PCCB: variants seen among roughly 807,000 people sequenced by gnomAD.
PCCB encodes propionyl-CoA carboxylase subunit beta.
PCCB carries 43 observed loss-of-function variants against 60.7 expected under a neutral mutation model. That is an observed-to-expected ratio of 0.71 (90% CI 0.55 to 0.91). The LOEUF (loss-of-function observed/expected upper bound fraction) is 0.91, where lower values mean the gene tolerates loss of function less well. PCCB is among the 40% of genes least tolerant of loss of function. PCCB has a pLI of 0.00. For missense variants in PCCB, 766 were observed against 702.8 expected (o/e 1.09, Z -1.02); for synonymous variants, 276 against 255.9 (o/e 1.08, Z -0.75).
chr3:136,251,715 A>G (rs1002367251), intron 1 of PCCB, among the ~76,000 whole-genome samples: 2 of 151,762 alleles, frequency 1.3e-5, no homozygotes, highest in Non-Finnish European at 1.5e-5. Context: ...GCTCCTGTAC[A>G]CTCTTTCTGT....
chr3:136,308,145 T>C (rs886566125), intron 9 of PCCB, among the ~76,000 whole-genome samples: 2 of 151,746 alleles, frequency 1.3e-5, no homozygotes, highest in Non-Finnish European at 2.9e-5. Flanking sequence ...GGCAGAAATA[T>C]ACTGGGAGAA....
In PCCB at chr3:136,327,658, A is replaced by G; in HGVS notation, c.1324A>G (p.Met442Val). Residue 442 changes from methionine to valine, a missense_variant, in exon 13 of 15, where the codon ATG becomes GTG. Physicochemically the swap from Met to Val is conservative, Grantham distance 21. Coordinates refer to ENST00000251654, the MANE Select transcript of PCCB (RefSeq NM_000532.5). ...GGCCTATGGAGGTGCCTATGATGTC[A>G]TGAGCTCTAAGCACCTTTGTGGTGA... is the stretch of plus-strand genomic sequence containing the variant. ...RKAYGGAYDV[M>V]SSKHLCGDTN... 1.9e-6 allele frequency: 3 copies of G among 1,613,892 alleles called. No homozygotes were observed. Among genetic ancestry groups the G allele is most frequent in the Non-Finnish European group, 2.5e-6 (3 of 1,179,802 alleles).
At chr3:136,297,781 C>T (rs1934001369) in intron 7 of PCCB, among the ~76,000 whole-genome samples, 171 bp from the exon 8 acceptor site, 1 of 152,128 alleles carries the variant, frequency 6.6e-6, no homozygotes, top group African/African-American at 2.4e-5. Context: ...GAAGGATCAC[C>T]CGGAAGGTAT....
intron 9 of PCCB, among the ~76,000 whole-genome samples, chr3:136,304,313 T>C (rs1934383138): frequency 8.3e-6 from 1 of 119,904 alleles, no homozygotes; most frequent in Admixed American, 1.0e-4. Flanking sequence ...TGCCACCACA[T>C]CTGGCTAATT....
In PCCB at chr3:136,327,822, G is replaced by T. The variant is rs544673781; in HGVS notation, c.1398+90G>T. 5.7e-6 allele frequency: 6 copies of T among 1,055,804 alleles called. No homozygotes were observed. In the East Asian group the frequency reaches 7.2e-5, roughly 13 times the overall value. The allele number at this position is 1,055,804 out of a possible 1,614,324, so 65.4% of individuals were successfully genotyped here. ...GCATAGCTGGGAAATGTTGGAGAGA[G>T]GCCAGGGCCCCTAGGTTGAGCCAGG... On this transcript the variant is annotated intron_variant, in intron 13 of 14. Transcript: ENST00000251654.
intron 1 of PCCB, among the ~76,000 whole-genome samples, chr3:136,251,862 C>A (rs67692166): frequency 0.074 from 11,332 of 152,146 alleles, 448 homozygotes; most frequent in Non-Finnish European, 0.093. Flanking sequence ...TAATATGAAC[C>A]CCCTCCTGCA....
intron 5 of PCCB, among the ~76,000 whole-genome samples, chr3:136,268,465 GTT>G (rs535168208): frequency 6.8e-5 from 9 of 133,200 alleles, no homozygotes; most frequent in Middle Eastern, 3.8e-3. Flanking sequence ...CTCCAACTTG[GTT>G]TTTTTTTTTT....
intron 9 of PCCB, among the ~76,000 whole-genome samples, chr3:136,307,961 G>A (rs896482207): frequency 6.7e-6 from 1 of 148,856 alleles, no homozygotes; most frequent in African/African-American, 2.5e-5. Context: ...GGCAACAAGA[G>A]TGAAACTCCA....
At chr3:136,297,535 G>C (rs1298026766) in intron 7 of PCCB, among the ~76,000 whole-genome samples, 1 of 152,154 alleles carries the variant, frequency 6.6e-6, no homozygotes, top group Non-Finnish European at 1.5e-5. Flanking sequence ...TGTTGGCCAG[G>C]CCTGATCTTA....
rs771013569 is a variant in PCCB at position 136,299,778 on chromosome 3, GTGTA to G, written c.885-1242_885-1239del. ...TGTGTGTGTATGTATAGGTATGCAT[GTGTA>G]TGTATGTATATGCATGTGTATGTAT... On this transcript the variant is annotated intron_variant, in intron 8 of 14. Transcript: ENST00000251654. 1.9e-4 allele frequency among the ~76,000 whole-genome samples: 28 copies of G among 150,948 alleles called. 1 individual carries two copies. Among genetic ancestry groups the G allele is most frequent in the Non-Finnish European group, 2.7e-4 (18 of 67,768 alleles).
intron 9 of PCCB, among the ~76,000 whole-genome samples, chr3:136,309,001 A>G (rs1259310242): frequency 6.6e-6 from 1 of 152,062 alleles, no homozygotes; most frequent in Admixed American, 6.5e-5. Flanking sequence ...GGTGGCTCAC[A>G]CATGTAATCC....
At chr3:136,273,004 T>G (rs2108165732) in intron 5 of PCCB, among the ~76,000 whole-genome samples, 1 of 152,332 alleles carries the variant, frequency 6.6e-6, no homozygotes, top group South Asian at 2.1e-4. Flanking sequence ...CCCCAGAGGT[T>G]TTTATAACTG....
intron 5 of PCCB, among the ~76,000 whole-genome samples, chr3:136,265,830 G>GTT (rs112091595): frequency 1.8e-4 from 26 of 141,564 alleles, no homozygotes; most frequent in South Asian, 4.5e-4. Flanking sequence ...GTCTTTTTTT[G>GTT]TTTTTTTTTT....
chr3:136,299,269 T>C (rs1305184779), intron 8 of PCCB, among the ~76,000 whole-genome samples: 1 of 152,088 alleles, frequency 6.6e-6, no homozygotes, highest in South Asian at 2.1e-4. Context: ...TATATACATA[T>C]GTTCATGTGT....
chr3:136,264,912 A>T (rs1219571455), intron 5 of PCCB, among the ~76,000 whole-genome samples: 2 of 142,956 alleles, frequency 1.4e-5, no homozygotes, highest in African/African-American at 5.2e-5. Flanking sequence ...AATGCTTAAT[A>T]GGGCCGGGCA....
At chr3:136,265,377 A>C (rs1205724071) in intron 5 of PCCB, among the ~76,000 whole-genome samples, 1 of 152,204 alleles carries the variant, frequency 6.6e-6, no homozygotes, top group African/African-American at 2.4e-5. Context: ...ACCTAACCAC[A>C]GTCAATTCCT....
intron 8 of PCCB, among the ~76,000 whole-genome samples, chr3:136,300,626 C>G (rs571483441): frequency 6.6e-6 from 1 of 152,304 alleles, no homozygotes; most frequent in African/African-American, 2.4e-5. Context: ...AGAGCTCTGC[C>G]TTTGCATTTC....
At position 136,294,153 on chromosome 3, in the gene PCCB, TTATG is replaced by T. The variant is rs546853376; in HGVS notation, c.763+296_763+299del. Among the ~76,000 whole-genome samples the T allele has an allele frequency of 8.5e-4, 129 of 152,336 alleles. 3 individuals carry two copies. The South Asian group carries it at 0.026, about 30-fold the overall frequency. ...AATGGTGATTATAAGTAGGTATGAT[TTATG>T]TATGTACAGTTGAACCTTTGAAAAA... On this transcript the variant is annotated intron_variant, in intron 7 of 14. Coordinates refer to ENST00000251654, the MANE Select transcript of PCCB (RefSeq NM_000532.5).
intron 9 of PCCB, among the ~76,000 whole-genome samples, chr3:136,309,511 G>A (rs925716283): frequency 1.1e-4 from 16 of 151,844 alleles, no homozygotes; most frequent in Non-Finnish European, 2.1e-4. Flanking sequence ...CTTAAGAATC[G>A]TTAAGAGGCC....
Sources: gnomAD v4.1 joint callset for allele counts (sites outside exome capture counted in the v4.1 genomes callset) on GRCh38, gnomAD v4.1.1 for gene constraint, MANE v1.5 for transcripts, NCBI Gene and HGNC (gene_info 2026-07-23, HGNC 2026-07-21) for gene names.